CEP85L: variants seen among roughly 807,000 people sequenced by gnomAD.
CEP85L encodes the protein centrosomal protein of 85 kDa-like.
A neutral mutation model predicts 100.3 loss-of-function variants in CEP85L; 60 were observed. The ratio of observed to expected loss-of-function variants is 0.60; its 90% confidence interval spans 0.49 to 0.74. The LOEUF is 0.74. CEP85L is among the 30% of genes least tolerant of loss of function. The pLI is 0.00. For synonymous variants in CEP85L, 319 were observed against 322.7 expected, an observed-to-expected ratio of 0.99 and a Z score of 0.12; for missense variants, 973 against 936.2, an observed-to-expected ratio of 1.04 and a Z score of -0.51.
At chr6:118,482,071 T>A in intron 7 of CEP85L, 138 bp from the exon 8 acceptor site, 1 of 483,062 alleles carries the variant, frequency 2.1e-6, no homozygotes, top group Non-Finnish European at 3.3e-6. Context: ...GTATTTTATC[T>A]AGAGTATTTA....
intron 3 of CEP85L, among the ~76,000 whole-genome samples, chr6:118,539,677 T>C (rs1233535007): frequency 6.6e-6 from 1 of 152,196 alleles, no homozygotes; most frequent in Non-Finnish European, 1.5e-5. Flanking sequence ...CATGGTGGTT[T>C]GCTGCACCTA....
chr6:118,694,545 A>C (rs563098124), intron 1 of CEP85L, among the ~76,000 whole-genome samples: 1 of 152,270 alleles, frequency 6.6e-6, no homozygotes, highest in South Asian at 2.1e-4. Context: ...GATTTTTTAG[A>C]AAAATTTTAG....
At chr6:118,670,317 A>G (rs1295403226) in intron 1 of CEP85L, among the ~76,000 whole-genome samples, 2 of 150,958 alleles carry the variant, frequency 1.3e-5, no homozygotes, top group African/African-American at 4.9e-5. Context: ...AGTAAGGATT[A>G]TTTTGTCATC....
intron 1 of CEP85L, among the ~76,000 whole-genome samples, chr6:118,659,326 A>G (rs929439615): frequency 2.6e-5 from 4 of 152,218 alleles, no homozygotes; most frequent in African/African-American, 7.2e-5. Flanking sequence ...TATGATATAC[A>G]TGAATCTATA....
chr6:118,513,972 T>G (rs1221251652), intron 4 of CEP85L, among the ~76,000 whole-genome samples: 2 of 152,074 alleles, frequency 1.3e-5, no homozygotes, highest in East Asian at 1.9e-4. Context: ...GTAGAATGTA[T>G]GACAAAACAG....
In CEP85L at chr6:118,674,452, A is replaced by C. The variant is rs575905097; in HGVS notation, c.-27-21644T>G. ...AGCAGGAGAATTGCTTGAACCCAGG[A>C]GGTGGACATTGTAGTGAGCCGAGAT... On this transcript the variant is annotated intron_variant, in intron 1 of 13. Coordinates refer to the CEP85L transcript ENST00000368488. Among the ~76,000 whole-genome samples the C allele has an allele frequency of 1.5e-4, 23 of 151,646 alleles. No homozygotes were observed. The East Asian group carries it at 4.1e-3, about 27-fold the overall frequency.
At chr6:118,514,799 C>A in intron 4 of CEP85L, among the ~76,000 whole-genome samples, 1 of 151,562 alleles carries the variant, frequency 6.6e-6, no homozygotes, top group East Asian at 1.9e-4. Context: ...TTAGTAGAAG[C>A]AGATTTTTTT....
intron 6 of CEP85L, among the ~76,000 whole-genome samples, chr6:118,487,965 A>G (rs9489414): frequency 0.71 from 107,583 of 151,784 alleles, 38,852 homozygotes; most frequent in African/African-American, 0.75. Flanking sequence ...GAGTACTGAT[A>G]GGACCTAGAA....
intron 3 of CEP85L, among the ~76,000 whole-genome samples, chr6:118,537,331 G>T (rs769073484): frequency 6.6e-6 from 1 of 152,066 alleles, no homozygotes; most frequent in Non-Finnish European, 1.5e-5. Flanking sequence ...ATGTGTAAAG[G>T]TGAAACAGAG....
At chr6:118,707,438 C>T (rs937780483) in intron 1 of CEP85L, among the ~76,000 whole-genome samples, 5 of 152,132 alleles carry the variant, frequency 3.3e-5, no homozygotes, top group African/African-American at 9.7e-5. Flanking sequence ...AAGCAATCCT[C>T]CCGCCTCGGC....
chr6:118,521,359 T>A (rs1283131221), intron 4 of CEP85L, among the ~76,000 whole-genome samples: 1 of 152,228 alleles, frequency 6.6e-6, no homozygotes, highest in African/African-American at 2.4e-5. Context: ...AAATGACAGT[T>A]ATGCTGCTTT....
chr6:118,514,239 G>C (rs1449897167), intron 4 of CEP85L, among the ~76,000 whole-genome samples: 1 of 152,014 alleles, frequency 6.6e-6, no homozygotes, highest in Non-Finnish European at 1.5e-5. Flanking sequence ...AAAACAAATA[G>C]CAATGCCAGG....
chr6:118,536,426 T>A (rs950294128), intron 3 of CEP85L, among the ~76,000 whole-genome samples: 1 of 152,192 alleles, frequency 6.6e-6, no homozygotes, highest in African/African-American at 2.4e-5. Flanking sequence ...GGAGCTATTA[T>A]TAAAGATTAA....
At chr6:118,565,356 C>A (rs1315037198) in intron 3 of CEP85L, 173 bp downstream of exon 3, 2 of 640,420 alleles carry the variant, frequency 3.1e-6, no homozygotes, top group Non-Finnish European at 5.4e-6. Context: ...GTCTCAAATG[C>A]TTTGCAAGTT....
At chr6:118,568,876 C>T (rs1454428485) in intron 2 of CEP85L, among the ~76,000 whole-genome samples, 7 of 151,868 alleles carry the variant, frequency 4.6e-5, no homozygotes, top group Admixed American at 3.3e-4. Context: ...ATATATTTTA[C>T]ATATATTTGT....
At chr6:118,497,311 G>A (rs926087298) in intron 5 of CEP85L, among the ~76,000 whole-genome samples, 2 of 152,148 alleles carry the variant, frequency 1.3e-5, no homozygotes, top group Non-Finnish European at 2.9e-5. Flanking sequence ...TTGTGAAGCA[G>A]GGTTTTCTGC....
chr6:118,499,719 G>A lies in CEP85L; in HGVS notation c.1258-7854C>T, dbSNP rs184530315. 9.3e-4 allele frequency among the ~76,000 whole-genome samples: 142 copies of A among 151,944 alleles called. 1 individual carries two copies. Among genetic ancestry groups the A allele is most frequent in the African/African-American group, 3.0e-3 (124 of 41,446 alleles). On this transcript the variant is annotated intron_variant, in intron 5 of 12. Coordinates refer to ENST00000368491, the MANE Select transcript of CEP85L (RefSeq NM_001042475.3). ...AACAACTCTCAGCAAACTAGTAATA[G>A]AGGAAGCTTCTTCAATTTAATAAAG... is the stretch of plus-strand genomic sequence containing the variant.
At chr6:118,627,261 C>T (rs1328118129) in intron 2 of CEP85L, among the ~76,000 whole-genome samples, 1 of 147,688 alleles carries the variant, frequency 6.8e-6, no homozygotes, top group Non-Finnish European at 1.5e-5. Context: ...CATGAAGAGA[C>T]ATTTCACTGA....
chr6:118,675,197 T>C (rs1246682024), intron 1 of CEP85L, among the ~76,000 whole-genome samples: 2 of 152,120 alleles, frequency 1.3e-5, no homozygotes, highest in Non-Finnish European at 2.9e-5. Flanking sequence ...GAAAACATTA[T>C]ACTAAGTGAA....
Sources: allele counts gnomAD v4.1 joint callset (sites outside exome capture counted in the v4.1 genomes callset), GRCh38; gene constraint gnomAD v4.1.1; transcripts MANE v1.5; gene names NCBI Gene and HGNC (gene_info 2026-07-23, HGNC 2026-07-21).